The following NAV2 variants were observed in gnomAD, a reference collection of about 807,000 sequenced individuals.
The protein encoded by NAV2 is helicase, APC down-regulated 1.
In NAV2, 54 loss-of-function variants were observed where a neutral mutation model predicts 223.2. The ratio of observed to expected loss-of-function variants is 0.24; its 90% CI spans 0.19 to 0.30. The LOEUF (loss-of-function observed/expected upper bound fraction) is 0.30, where lower values mean the gene tolerates loss of function less well. Ranked by LOEUF, NAV2 falls within the 10% of genes least tolerant of loss-of-function variation. The probability of loss-of-function intolerance (pLI) is 1.00; values close to 1 mark genes in which losing one functional copy is unlikely to be tolerated. For synonymous variants in NAV2, 1,279 were observed against 1,239.3 expected (o/e 1.03, Z -0.67); for missense variants, 2,806 against 3,147.5 (o/e 0.89, Z 2.60).
chr11:19,668,237 C>T (rs1249031337), intron 1 of NAV2, among the ~76,000 whole-genome samples: 3 of 152,146 alleles, frequency 2.0e-5, no homozygotes, highest in Non-Finnish European at 4.4e-5. Context: ...CCATCAATTG[C>T]CTTAAAAAGT....
At chr11:19,406,286 C>T (rs577398612) in intron 1 of NAV2, among the ~76,000 whole-genome samples, 3 of 152,122 alleles carry the variant, frequency 2.0e-5, no homozygotes, top group Non-Finnish European at 2.9e-5. Context: ...GGACAGGTGG[C>T]TCTATTTTTT....
chr11:19,621,507 T>C (rs2135417728), intron 1 of NAV2, among the ~76,000 whole-genome samples: 1 of 152,372 alleles, frequency 6.6e-6, no homozygotes, highest in Non-Finnish European at 1.5e-5. Flanking sequence ...TCGAGGAATT[T>C]ATCCATTTCT....
At chr11:19,886,796 C>G (rs1187426539) in intron 5 of NAV2, among the ~76,000 whole-genome samples, 1 of 152,190 alleles carries the variant, frequency 6.6e-6, no homozygotes, top group Admixed American at 6.5e-5. Context: ...CGTGTCAACC[C>G]TGTCCTGAGG....
intron 1 of NAV2, among the ~76,000 whole-genome samples, chr11:19,529,908 CA>C (rs1458810717): frequency 6.6e-6 from 1 of 152,154 alleles, no homozygotes; most frequent in Non-Finnish European, 1.5e-5. Flanking sequence ...AGAAGGAAAA[CA>C]AAACATCTTT....
At chr11:19,607,694 A>T (rs558421512) in intron 1 of NAV2, among the ~76,000 whole-genome samples, 9 of 152,328 alleles carry the variant, frequency 5.9e-5, no homozygotes, top group African/African-American at 2.2e-4. Context: ...CTTTTGAGGG[A>T]CAGGGAAGTA....
rs2059118185 is a variant in NAV2 at position 20,067,432 on chromosome 11, T to C, written c.4885-754T>C. 4.0e-5 allele frequency among the ~76,000 whole-genome samples: 6 copies of C among 151,532 alleles called. No homozygotes were observed. The South Asian group carries it at 1.3e-3, about 32-fold the overall frequency. ...TGTGAAATTTAGATTAACAACAAAA[T>C]TTTTTTTAGTATAAATATGTCCCTA... On this transcript the variant is annotated intron_variant, in intron 20 of 37. Coordinates refer to ENST00000349880, the MANE Select transcript of NAV2 (RefSeq NM_145117.5).
At chr11:19,614,869 T>C (rs1370051460) in intron 1 of NAV2, among the ~76,000 whole-genome samples, 1 of 152,214 alleles carries the variant, frequency 6.6e-6, no homozygotes, top group Non-Finnish European at 1.5e-5. Context: ...AATCCCTATG[T>C]GCCTTCTGTT....
chr11:20,044,133 C>T lies in NAV2; in HGVS notation c.3060C>T (p.Asp1020=). 1.2e-6 allele frequency: 2 copies of T among 1,614,172 alleles called. No individual in the cohort carries two copies. The highest frequency in any genetic ancestry group is 1.3e-5 in the African/African-American group (1 of 75,032). ...RNPSDVSDES[D]KSTSGKKNPV... ...CTTCTGATGTGTCTGACGAGTCCGA[C>T]AAAAGCACGTCGGGCAAGAAGAATC... Residue 1020 remains aspartate (D), a synonymous_variant, in exon 13 of 38, where the codon GAC becomes GAT. Coordinates refer to ENST00000349880, the MANE Select transcript of NAV2 (RefSeq NM_145117.5).
chr11:19,990,789 T>C (rs1323275520), intron 11 of NAV2, among the ~76,000 whole-genome samples: 1 of 152,214 alleles, frequency 6.6e-6, no homozygotes, highest in Admixed American at 6.5e-5. Context: ...TTAATCACAC[T>C]AGCCTCATTT....
intron 1 of NAV2, among the ~76,000 whole-genome samples, chr11:19,794,464 C>T (rs1012912134): frequency 3.9e-5 from 6 of 152,148 alleles, no homozygotes; most frequent in Admixed American, 3.3e-4. Context: ...GTGATCCCAC[C>T]CTTCAAAAAC....
intron 1 of NAV2, among the ~76,000 whole-genome samples, chr11:19,519,332 C>G (rs1038596403): frequency 6.6e-6 from 1 of 152,158 alleles, no homozygotes; most frequent in Admixed American, 6.5e-5. Flanking sequence ...CATGGGCTCT[C>G]GTAAGGTGCT....
chr11:19,976,310 A>C (rs1378959872), intron 10 of NAV2, among the ~76,000 whole-genome samples: 1 of 152,178 alleles, frequency 6.6e-6, no homozygotes, highest in Non-Finnish European at 1.5e-5. Context: ...TATTTCAAGC[A>C]GCAGGTAGAT....
chr11:20,109,222 A>G (rs1169565451), intron 36 of NAV2, among the ~76,000 whole-genome samples: 1 of 152,240 alleles, frequency 6.6e-6, no homozygotes, highest in Non-Finnish European at 1.5e-5. Context: ...GCCTCTTGTG[A>G]TATATTTCAC....
At chr11:20,086,149 T>A (rs540656884) in intron 26 of NAV2, among the ~76,000 whole-genome samples, 2 of 152,322 alleles carry the variant, frequency 1.3e-5, no homozygotes, top group East Asian at 3.9e-4. Flanking sequence ...TGAATTCGCA[T>A]CCAATTTCAT....
At chr11:19,348,028 G>C (rs972813558), upstream of NAV2, among the ~76,000 whole-genome samples, 2 of 152,300 alleles carry the variant, frequency 1.3e-5, no homozygotes, top group Admixed American at 6.5e-5. Context: ...AGAACTGGTG[G>C]AGACTGACTC....
At chr11:19,678,349 G>C (rs2048780051) in intron 1 of NAV2, among the ~76,000 whole-genome samples, 1 of 152,200 alleles carries the variant, frequency 6.6e-6, no homozygotes, top group South Asian at 2.1e-4. Context: ...GCCTAGCCTA[G>C]TCAGTGGTGG....
intron 1 of NAV2, among the ~76,000 whole-genome samples, chr11:19,620,829 G>A (rs2046970182): frequency 6.6e-6 from 1 of 152,098 alleles, no homozygotes; most frequent in Non-Finnish European, 1.5e-5. Flanking sequence ...GGGCATCCCT[G>A]TCTTGTGCCA....
chr11:20,052,795 A>G (rs551637531), intron 17 of NAV2, among the ~76,000 whole-genome samples: 1 of 152,184 alleles, frequency 6.6e-6, no homozygotes, highest in Non-Finnish European at 1.5e-5. Context: ...CTCCATACAC[A>G]TGAACATCCA....
intron 1 of NAV2, among the ~76,000 whole-genome samples, chr11:19,501,557 C>G (rs148127807): frequency 2.0e-5 from 3 of 151,996 alleles, no homozygotes; most frequent in Non-Finnish European, 4.4e-5. Context: ...GAGGCAGAGT[C>G]GCCTTTGAGT....
Sources: allele counts gnomAD v4.1 joint callset (sites outside exome capture counted in the v4.1 genomes callset), GRCh38; gene constraint gnomAD v4.1.1; transcripts MANE v1.5; gene names NCBI Gene and HGNC (gene_info 2026-07-23, HGNC 2026-07-21).